Variants in ARHGAP39 observed in about 807,000 individuals in gnomAD.
The protein encoded by ARHGAP39 is rho GTPase-activating protein 39.
In ARHGAP39, 44 loss-of-function variants were observed where a neutral mutation model predicts 106.9. The ratio of observed to expected loss-of-function variants is 0.41; its 90% CI spans 0.32 to 0.53. The LOEUF (loss-of-function observed/expected upper bound fraction) is 0.53, where lower values mean the gene tolerates loss of function less well. ARHGAP39 is among the 20% of genes least tolerant of loss of function. The pLI, the probability that ARHGAP39 is intolerant of heterozygous loss-of-function variation, is 0.21. For missense variants in ARHGAP39, 1,496 were observed against 1,577.3 expected (o/e 0.95, Z 0.87); for synonymous variants, 768 against 693.2 (o/e 1.11, Z -1.69).
intron 3 of ARHGAP39, among the ~76,000 whole-genome samples, chr8:144,569,562 T>G (rs2130882071): frequency 6.6e-6 from 1 of 152,232 alleles, no homozygotes; most frequent in East Asian, 1.9e-4. Context: ...TTATGTAAAA[T>G]TCTACAAAAC....
Position 144,581,040 on chromosome 8 carries a change from C to T in ARHGAP39, c.318G>A (p.Leu106=). The T allele has an allele frequency of 6.3e-7, 1 of 1,583,330 alleles. No individual in the cohort carries two copies. The highest frequency in any genetic ancestry group is 1.7e-4 in the Middle Eastern group (1 of 6,030). ...ACTCCGTGTTCTGCTTCAGCGTCTG[C>T]AGCTTGGCCAGCGGGATGATGTCGC... is the stretch of plus-strand genomic sequence containing the variant. ...QGCDIIPLAK[L]QTLKQNTESP... is the part of the protein sequence containing the mutation. Residue 106 remains leucine (L), a synonymous_variant, in exon 3 of 12, where the codon CTG becomes CTA. Transcript: ENST00000377307.
intron 1 of ARHGAP39, among the ~76,000 whole-genome samples, chr8:144,624,519 C>T (rs902846148): frequency 5.9e-5 from 9 of 152,270 alleles, no homozygotes; most frequent in African/African-American, 2.2e-4. Flanking sequence ...TGCACCGACA[C>T]GGCTGCACGA....
chr8:144,570,956 C>G lies in ARHGAP39; in HGVS notation c.512+9890G>C, dbSNP rs184455962. 1.4e-3 allele frequency among the ~76,000 whole-genome samples: 210 copies of G among 152,234 alleles called. 1 individual carries two copies. Among genetic ancestry groups the G allele is most frequent in the Non-Finnish European group, 8.8e-5 (6 of 68,018 alleles). On this transcript the variant is annotated intron_variant, in intron 3 of 11. Transcript: ENST00000377307. ...GGAATAAGTTGAATCTCTGAATAGA[C>G]GAATAACAGGCTCTGAAATTAAGGC...
intron 1 of ARHGAP39, among the ~76,000 whole-genome samples, chr8:144,621,257 G>T (rs1370163513): frequency 6.6e-6 from 1 of 152,290 alleles, no homozygotes; most frequent in East Asian, 1.9e-4. Context: ...GCTGCATCCT[G>T]CCAGGTCTCC....
intron 1 of ARHGAP39, among the ~76,000 whole-genome samples, chr8:144,656,194 G>GA (rs58292458): frequency 0.011 from 1,114 of 103,532 alleles, 9 homozygotes; most frequent in East Asian, 0.032. Flanking sequence ...AGCAAATAAG[G>GA]AAAAAAAAAA....
chr8:144,572,256 A>T (rs1818613460), intron 3 of ARHGAP39, among the ~76,000 whole-genome samples: 1 of 152,242 alleles, frequency 6.6e-6, no homozygotes, highest in African/African-American at 2.4e-5. Context: ...CCAAAAGAGC[A>T]TGGTACTGGT....
intron 1 of ARHGAP39, among the ~76,000 whole-genome samples, chr8:144,666,941 T>C (rs1290448555): frequency 2.0e-5 from 3 of 152,196 alleles, no homozygotes; most frequent in African/African-American, 7.2e-5. Context: ...CCCCTCCTCC[T>C]TGGTCCTGTC....
rs757366577 is a variant in ARHGAP39 at position 144,545,753 on chromosome 8, C to G, written c.2017G>C (p.Val673Leu). The G allele has an allele frequency of 1.9e-5, 30 of 1,608,420 alleles. No individual in the cohort carries two copies. The highest frequency in any genetic ancestry group is 3.3e-4 in the Middle Eastern group (2 of 6,040). The change falls in exon 6 of 12, where the codon GTT becomes CTT. Residue 673 changes from valine (V) to leucine (L), a missense_variant. Around this residue, in one of 4 missense-constraint regions of ARHGAP39, gnomAD observed 905 missense variants for 816.4 expected, o/e 1.11. Coordinates refer to ENST00000377307, the MANE Select transcript of ARHGAP39 (RefSeq NM_025251.3). ...FESSRQSRSG[V>L]PSSSCVFPTF... ...GGGAAGACGCAGCTGGAGCTGGGAA[C>G]GCCGCTGCGGCTCTGCCGGCTGCTC...
Position 144,548,500 on chromosome 8 carries a change from G to C in ARHGAP39, c.597-11C>G. ...CGCAGCGAGGAGGTCCTGCGTGGGG[G>C]GTGGACGGGCACAGGTGACTGCCTG... On this transcript the variant is annotated splice_polypyrimidine_tract_variant and intron_variant, in intron 4 of 11. Coordinates refer to ENST00000377307, the MANE Select transcript of ARHGAP39 (RefSeq NM_025251.3). The surrounding 1 kb of genome is among the most constrained non-coding windows in gnomAD (Gnocchi z 7.4). 6.2e-7 allele frequency: 1 copy of C among 1,604,556 alleles called. No individual in the cohort carries two copies. Among genetic ancestry groups the C allele is most frequent in the Non-Finnish European group, 8.5e-7 (1 of 1,177,502 alleles).
Position 144,530,061 on chromosome 8 carries a change from G to A in ARHGAP39, c.*361C>T. 3.7e-6 allele frequency: 1 copy of A among 267,508 alleles called. No homozygotes were observed. The highest frequency in any genetic ancestry group is 7.1e-6 in the Non-Finnish European group (1 of 140,528). 16.6% of individuals were successfully genotyped at this position (267,508 alleles called of 1,614,324 possible). ...ACCGGGGCGGCTGGGCAAGGCCCAG[G>A]CCAGGGCGCGCAGGAGCCACAGGGA... On this transcript the variant is annotated 3_prime_UTR_variant, in exon 12 of 12. Transcript: ENST00000377307.
At chr8:144,619,776 G>A (rs1395106021) in intron 1 of ARHGAP39, among the ~76,000 whole-genome samples, 2 of 151,262 alleles carry the variant, frequency 1.3e-5, no homozygotes, top group Non-Finnish European at 2.9e-5. Context: ...GTGTGTGTGA[G>A]CCTGTGTCCG....
intron 1 of ARHGAP39, among the ~76,000 whole-genome samples, chr8:144,607,674 G>C (rs1433023086): frequency 4.6e-5 from 7 of 152,198 alleles, no homozygotes; most frequent in Admixed American, 3.3e-4. Context: ...TGACGGGAAG[G>C]GACACTGCAG....
intron 1 of ARHGAP39, among the ~76,000 whole-genome samples, chr8:144,661,045 G>A (rs770576734): frequency 2.6e-5 from 4 of 152,120 alleles, no homozygotes; most frequent in Non-Finnish European, 5.9e-5. Context: ...GGAGACTGAG[G>A]CAGGAGGATC....
the ARHGAP39 span, among the ~76,000 whole-genome samples, chr8:144,692,208 C>T: frequency 1.3e-5 from 2 of 152,132 alleles, no homozygotes; most frequent in African/African-American, 2.4e-5. Context: ...CTCTCTCTGT[C>T]TCCTTCCCTC....
At chr8:144,665,779 T>C (rs2129704106) in intron 1 of ARHGAP39, among the ~76,000 whole-genome samples, 1 of 152,314 alleles carries the variant, frequency 6.6e-6, no homozygotes, top group East Asian at 1.9e-4. Context: ...AGGCAGAAGT[T>C]TGCTGCAGGG....
At chr8:144,700,227 T>C in the ARHGAP39 span, 1 of 152,122 alleles carries the variant, frequency 6.6e-6, no homozygotes, top group Admixed American at 6.5e-5. This position sits in a 1 kb window ranked among gnomAD's most constrained non-coding sequence, Gnocchi z 5.6. Flanking sequence ...ACGACCGCGG[T>C]GTCGGGTCCT....
intron 1 of ARHGAP39, among the ~76,000 whole-genome samples, chr8:144,668,603 A>G (rs769445630): frequency 1.6e-4 from 24 of 152,252 alleles, no homozygotes; most frequent in Non-Finnish European, 2.2e-4. Context: ...TCAATTTAAC[A>G]AAAGAAATGC....
chr8:144,664,779 C>T (rs1821918956), intron 1 of ARHGAP39, among the ~76,000 whole-genome samples: 1 of 152,208 alleles, frequency 6.6e-6, no homozygotes, highest in African/African-American at 2.4e-5. Context: ...CACCATGATT[C>T]TGAGGGTTCC....
chr8:144,618,076 C>A (rs748502801), intron 1 of ARHGAP39, among the ~76,000 whole-genome samples: 1 of 152,216 alleles, frequency 6.6e-6, no homozygotes, highest in African/African-American at 2.4e-5. Context: ...GCCACCACGC[C>A]TGGCCTAAAA....
Sources: gnomAD v4.1 joint callset for allele counts (sites outside exome capture counted in the v4.1 genomes callset) on GRCh38, gnomAD v4.1.1 for gene constraint, gnomAD v4.1.1 regional missense constraint, Gnocchi (gnomAD v3.1) non-coding constraint, MANE v1.5 for transcripts, NCBI Gene and HGNC (gene_info 2026-07-23, HGNC 2026-07-21) for gene names.